LSS: variants seen among roughly 807,000 people sequenced by gnomAD.
LSS encodes the protein 2,3-epoxysqualene-lanosterol cyclase.
In LSS, 90 loss-of-function variants were observed where a neutral mutation model predicts 110.3. The ratio of observed to expected loss-of-function variants is 0.82; its 90% CI spans 0.69 to 0.97. LSS has a LOEUF of 0.97. Among genes scored for constraint, LSS ranks in the 50% least tolerant of loss-of-function variants. The pLI is 0.00. For missense variants in LSS, 927 were observed against 990.0 expected, an observed-to-expected ratio of 0.94 and a Z score of 0.85; for synonymous variants, 433 against 400.0, an observed-to-expected ratio of 1.08 and a Z score of -0.98.
chr21:46,206,157 C>T (rs1248813785), intron 16 of LSS, among the ~76,000 whole-genome samples: 1 of 152,218 alleles, frequency 6.6e-6, no homozygotes, highest in African/African-American at 2.4e-5. Flanking sequence ...AAAGCTGCGA[C>T]CCCACCCCAA....
chr21:46,206,130 T>C (rs923698556), intron 16 of LSS, among the ~76,000 whole-genome samples, 189 bp from the exon 17 acceptor site: 2 of 152,170 alleles, frequency 1.3e-5, no homozygotes, highest in African/African-American at 2.4e-5. Context: ...AGAGCGAAGA[T>C]GAGGGGAACA....
chr21:46,205,408 C>T (rs564292274), intron 17 of LSS, among the ~76,000 whole-genome samples: 15 of 152,312 alleles, frequency 9.8e-5, no homozygotes, highest in Admixed American at 2.0e-4. Context: ...TGGGCGGCCC[C>T]GTCATGGGGC....
chr21:46,213,268 C>G (rs1041456812), intron 10 of LSS, among the ~76,000 whole-genome samples: 10 of 152,306 alleles, frequency 6.6e-5, no homozygotes, highest in Admixed American at 5.2e-4. Context: ...AAGGGCCACA[C>G]CCAAGGCAAG....
intron 2 of LSS, 86 bp from the exon 3 acceptor site, chr21:46,227,776 T>G: frequency 6.9e-7 from 1 of 1,448,710 alleles, no homozygotes. Flanking sequence ...ACAGCCCAAG[T>G]CAAAACAGTG....
Position 46,216,584 on chromosome 21 carries a change from G to A in LSS, c.648-60C>T. The A allele has an allele frequency of 6.7e-7, 1 of 1,481,618 alleles. No homozygotes were observed. Among genetic ancestry groups the A allele is most frequent in the Non-Finnish European group, 9.0e-7 (1 of 1,110,886 alleles). The allele number at this position is 1,481,618 out of a possible 1,614,324, so 91.8% of individuals were successfully genotyped here. A position where few individuals can be genotyped will look rare whatever the true frequency, so the allele number is the denominator to read the frequency against. On this transcript the variant is annotated intron_variant, in intron 6 of 21. Coordinates refer to ENST00000397728, the MANE Select transcript of LSS (RefSeq NM_002340.6). The surrounding 1 kb of genome is among the most constrained non-coding windows in gnomAD (Gnocchi z 4.2). ...AGACTCAAGCCTGCCCCCTCCGCCA[G>A]CATCCATACCTTGGGCCCTTTCAAG...
chr21:46,195,901 G>A, intron 18 of LSS, 145 bp from the exon 19 acceptor site: 1 of 692,446 alleles, frequency 1.4e-6, no homozygotes, highest in Admixed American at 2.1e-5. Context: ...GAAGACAGCA[G>A]CTCTGTCTGC....
chr21:46,221,238 C>T (rs1373523111), intron 5 of LSS, among the ~76,000 whole-genome samples: 2 of 152,096 alleles, frequency 1.3e-5, no homozygotes, highest in African/African-American at 4.8e-5. Flanking sequence ...AAGGTGCAAG[C>T]TCCAGGGCTG....
At chr21:46,215,118 G>A in intron 9 of LSS, 62 bp downstream of exon 9, 4 of 1,390,836 alleles carry the variant, frequency 2.9e-6, no homozygotes, top group South Asian at 1.2e-5. Context: ...CGGCCTCTAG[G>A]ACTTCACTTT....
chr21:46,201,709 G>A (rs1474721811), intron 17 of LSS, among the ~76,000 whole-genome samples: 1 of 152,080 alleles, frequency 6.6e-6, no homozygotes, highest in Non-Finnish European at 1.5e-5. Context: ...ATTTAAGTCT[G>A]TCTAGTAAAA....
rs758861446 is a variant in LSS at position 46,208,203 on chromosome 21, C to T, written c.1317+48G>A. 3.4e-5 allele frequency: 52 copies of T among 1,531,362 alleles called. No individual in the cohort carries two copies. In the East Asian group the frequency reaches 4.4e-4, roughly 13 times the overall value. 94.9% of individuals were successfully genotyped at this position (1,531,362 alleles called of 1,614,324 possible). Reference sequence around the variant, plus strand: ...AGGGAAGGACCCACCCTGCTGAGGGCGGCCTCCCCTGGGGGACGGGACAGG... The same window carrying T: ...AGGGAAGGACCCACCCTGCTGAGGGTGGCCTCCCCTGGGGGACGGGACAGG... On this transcript the variant is annotated intron_variant, in intron 14 of 21. Transcript: ENST00000397728.
At position 46,188,570 on chromosome 21, in the gene LSS, A is replaced by T. The variant is rs1370753499; in HGVS notation, c.*2534T>A. ...CAAGAGCATGTCAGGGTGATGAGTC[A>T]TCTGGGACAGGTCACCCTCCCAGCA... On this transcript the variant is annotated 3_prime_UTR_variant, in exon 22 of 22. Coordinates refer to ENST00000397728, the MANE Select transcript of LSS (RefSeq NM_002340.6). 3 of 466,078 alleles carry T rather than the reference A, an allele frequency of 6.4e-6. No individual in the cohort carries two copies. The highest frequency in any genetic ancestry group is 4.7e-5 in the South Asian group (3 of 64,350). 28.9% of individuals were successfully genotyped at this position (466,078 alleles called of 1,614,324 possible).
Position 46,228,538 on chromosome 21 carries a change from G to T in LSS, c.76C>A (p.Arg26=), listed in dbSNP as rs749499363. The change falls in exon 2 of 22, where the codon CGA becomes AGA. Residue 26 remains arginine, a synonymous_variant. Transcript: ENST00000397728. The part of the protein sequence containing the change: ...TEPATDLGRW[R]LNCERGRQTW... ...TGCCGGCCCCTCTCGCAGTTGAGTC[G>T]CCAGCGGCCGAGGTCGGTGGCGGGC... The T allele has an allele frequency of 6.3e-6, 10 of 1,598,400 alleles. No homozygotes were observed. In the East Asian group the frequency reaches 1.8e-4, roughly 29 times the overall value.
At chr21:46,225,098 AAG>A (rs1183838575) in intron 3 of LSS, 1 of 156,300 alleles carries the variant, frequency 6.4e-6, no homozygotes, top group African/African-American at 2.4e-5. Flanking sequence ...ATAAAACAAC[AAG>A]AGTTATACTA....
At position 46,223,919 on chromosome 21, in the gene LSS, C is replaced by G. The variant is rs192873340; in HGVS notation, c.320-1181G>C. 3.0e-3 allele frequency among the ~76,000 whole-genome samples: 450 copies of G among 152,224 alleles called. 1 individual carries two copies. Among genetic ancestry groups the G allele is most frequent in the African/African-American group, 9.8e-3 (407 of 41,542 alleles). ...GAACAACACCCGCTACTTAGCAGACCGGGAAAGGGAGGCTCCCTTTCCCCG... is the reference window on the plus strand; with the variant it reads ...GAACAACACCCGCTACTTAGCAGACGGGGAAAGGGAGGCTCCCTTTCCCCG... On this transcript the variant is annotated intron_variant, in intron 3 of 21. Coordinates refer to ENST00000397728, the MANE Select transcript of LSS (RefSeq NM_002340.6).
intron 4 of LSS, 97 bp downstream of exon 4, chr21:46,222,530 ACTC>A: frequency 9.9e-7 from 1 of 1,011,820 alleles, no homozygotes; most frequent in Middle Eastern, 2.1e-4. Flanking sequence ...AGCTGCAATC[ACTC>A]CTAACCCCTG....
chr21:46,208,997 G>C (rs1188207613), intron 13 of LSS, among the ~76,000 whole-genome samples: 2 of 152,320 alleles, frequency 1.3e-5, no homozygotes, highest in East Asian at 3.9e-4. Flanking sequence ...GCCGGGACAG[G>C]GTGTGGGAGA....
rs758731046 is a variant in LSS, at chr21:46,206,728, T to C, written c.1508A>G (p.Tyr503Cys). The change falls in exon 16 of 22, where the codon TAT becomes TGT. Residue 503 changes from tyrosine to cysteine, a missense_variant. Transcript: ENST00000397728. ...CAAGTGCCCCCCACGCTTGGTCTCA[T>C]AGGTGGCGAACCCTCCATCTGGATT... ...MRNPDGGFAT[Y>C]ETKRGGHLLE... The C allele has an allele frequency of 3.1e-6, 5 of 1,612,874 alleles. No individual in the cohort carries two copies. The highest frequency in any genetic ancestry group is 8.5e-7 in the Non-Finnish European group (1 of 1,179,968).
At chr21:46,217,283 A>ACGTAGGT (rs141367193) in intron 6 of LSS, among the ~76,000 whole-genome samples, 2 of 150,116 alleles carry the variant, frequency 1.3e-5, no homozygotes, top group Admixed American at 6.6e-5. Context: ...GAAAAAAGAA[A>ACGTAGGT]CTGTAGGTCT....
In LSS at chr21:46,191,254, A is replaced by G. The variant is rs2079810838; in HGVS notation, c.2068-19T>C. On this transcript the variant is annotated intron_variant, in intron 21 of 21. Transcript: ENST00000397728. ...TGTTTTCCTAAAAGAACACAGAGAA[A>G]TAAACACAAAGGCTTCACCAGTCAG... 2.5e-6 allele frequency: 4 copies of G among 1,613,954 alleles called. No homozygotes were observed. Among genetic ancestry groups the G allele is most frequent in the Non-Finnish European group, 3.4e-6 (4 of 1,179,916 alleles).
Sources: gnomAD v4.1 joint callset for allele counts (sites outside exome capture counted in the v4.1 genomes callset) on GRCh38, gnomAD v4.1.1 for gene constraint, Gnocchi (gnomAD v3.1) non-coding constraint, MANE v1.5 for transcripts, NCBI Gene and HGNC (gene_info 2026-07-23, HGNC 2026-07-21) for gene names.